RFPL1: variants seen among roughly 807,000 people sequenced by gnomAD.
RFPL1 encodes ret finger protein like 1, also known as ret finger protein-like 1.
Under a neutral mutation model 9.6 loss-of-function variants are expected in RFPL1, and 6 were observed. The ratio of observed to expected loss-of-function variants is 0.62; its 90% CI spans 0.34 to 1.23. The LOEUF (loss-of-function observed/expected upper bound fraction) is 1.23. Ranked by LOEUF, RFPL1 falls within the 50% of genes most tolerant of loss-of-function variation. The pLI, the probability that RFPL1 is intolerant of heterozygous loss-of-function variation, is 0.03. For synonymous variants in RFPL1, 145 were observed against 149.4 expected, an observed-to-expected ratio of 0.97 and a Z score of 0.22; for missense variants, 352 against 398.4, an observed-to-expected ratio of 0.88 and a Z score of 0.99.
the RFPL1 span, among the ~76,000 whole-genome samples, chr22:29,431,979 A>G: frequency 6.6e-6 from 1 of 152,170 alleles, no homozygotes; most frequent in South Asian, 2.1e-4. Flanking sequence ...GGCATGAACC[A>G]CCACACCTGG....
the RFPL1 span, among the ~76,000 whole-genome samples, chr22:29,407,986 CA>C: frequency 4.6e-5 from 7 of 152,302 alleles, no homozygotes; most frequent in South Asian, 1.2e-3. Flanking sequence ...TGAATTTAGA[CA>C]TTTCTCATTA....
chr22:29,395,775 C>A, the RFPL1 span, among the ~76,000 whole-genome samples: 11,614 of 152,136 alleles, frequency 0.076, 1,509 homozygotes, highest in African/African-American at 0.27. Flanking sequence ...GAGTTCCAGA[C>A]CAGCCTGGCC....
chr22:29,397,526 C>A, the RFPL1 span, among the ~76,000 whole-genome samples: 1 of 152,154 alleles, frequency 6.6e-6, no homozygotes, highest in Non-Finnish European at 1.5e-5. Flanking sequence ...ACTGCAGTTA[C>A]CTGCCGACCG....
chr22:29,401,772 C>A, the RFPL1 span, among the ~76,000 whole-genome samples: 1 of 152,176 alleles, frequency 6.6e-6, no homozygotes, highest in Non-Finnish European at 1.5e-5. Context: ...GACTCTTCAC[C>A]CCTGTGTGGT....
At chr22:29,415,394 G>A in the RFPL1 span, among the ~76,000 whole-genome samples, 110 of 152,306 alleles carry the variant, frequency 7.2e-4, no homozygotes, top group Admixed American at 5.5e-3. Flanking sequence ...GTTCCTTCCC[G>A]GTGTTCAGCC....
At chr22:29,429,290 A>T in the RFPL1 span, among the ~76,000 whole-genome samples, 1,654 of 152,274 alleles carry the variant, frequency 0.011, 31 homozygotes, top group African/African-American at 0.038. Context: ...TCCTGCTGCA[A>T]GCAATCCTCC....
the RFPL1 span, among the ~76,000 whole-genome samples, chr22:29,405,197 A>T: frequency 6.6e-6 from 1 of 152,198 alleles, no homozygotes; most frequent in Non-Finnish European, 1.5e-5. Flanking sequence ...AGGGAAGTAC[A>T]GGATTGCTTT....
At chr22:29,442,115 C>A in exon 2 of RFPL1, 2 of 1,525,478 alleles carry the variant, frequency 1.3e-6, no homozygotes. Context: ...CCTGGGGAGG[C>A]CAAATAAGCC....
the RFPL1 span, among the ~76,000 whole-genome samples, chr22:29,415,012 G>A: frequency 1.3e-5 from 2 of 152,094 alleles, no homozygotes; most frequent in Admixed American, 1.3e-4. Context: ...AAACCAAAGT[G>A]CAGATAAAGG....
chr22:29,417,340 T>C, the RFPL1 span, among the ~76,000 whole-genome samples: 6 of 151,792 alleles, frequency 4.0e-5, no homozygotes, highest in African/African-American at 9.7e-5. Context: ...CAGGTACCTG[T>C]TCCCTTTCTG....
the RFPL1 span, among the ~76,000 whole-genome samples, chr22:29,389,135 C>T: frequency 1.3e-5 from 2 of 152,130 alleles, no homozygotes; most frequent in Non-Finnish European, 1.5e-5. Context: ...GAGATCCTCC[C>T]GCCTCGGCTT....
intron 1 of RFPL1, chr22:29,439,820 C>G (rs1277924670): frequency 6.6e-6 from 1 of 152,470 alleles, no homozygotes; most frequent in Admixed American, 6.5e-5. Flanking sequence ...GAATTTCTCT[C>G]TAGCAAAGGT....
the RFPL1 span, among the ~76,000 whole-genome samples, chr22:29,397,551 A>G: frequency 6.7e-6 from 1 of 148,616 alleles, no homozygotes; most frequent in Non-Finnish European, 1.5e-5. Context: ...GCCAAACAGA[A>G]CAAAAGAAAA....
At chr22:29,415,282 AGGCATGCC>A in the RFPL1 span, among the ~76,000 whole-genome samples, 18 of 152,324 alleles carry the variant, frequency 1.2e-4, no homozygotes, top group East Asian at 2.7e-3. Context: ...GTGCCGATAA[AGGCATGCC>A]GTGGGTGATC....
At chr22:29,417,104 C>T in the RFPL1 span, among the ~76,000 whole-genome samples, 1 of 152,052 alleles carries the variant, frequency 6.6e-6, no homozygotes, top group South Asian at 2.1e-4. Context: ...GTATGTGTCA[C>T]CTTGGAAGAT....
upstream of RFPL1, among the ~76,000 whole-genome samples, chr22:29,436,317 G>A (rs1476888639): frequency 6.6e-6 from 1 of 152,082 alleles, no homozygotes; most frequent in Non-Finnish European, 1.5e-5. Context: ...ATAAATACAG[G>A]CGGTGGCTCA....
chr22:29,442,443 C>G (rs2062845491), exon 2 of RFPL1: 1 of 190,400 alleles, frequency 5.3e-6, no homozygotes, highest in Non-Finnish European at 1.1e-5. Context: ...GTTAAATAAA[C>G]ATTGGAATAT....
chr22:29,388,038 C>T, the RFPL1 span, among the ~76,000 whole-genome samples: 2 of 152,102 alleles, frequency 1.3e-5, no homozygotes, highest in Non-Finnish European at 2.9e-5. Context: ...TCTTCTTTTT[C>T]AACCTTGGCA....
At chr22:29,417,940 T>G in the RFPL1 span, among the ~76,000 whole-genome samples, 2 of 145,476 alleles carry the variant, frequency 1.4e-5, no homozygotes, top group Non-Finnish European at 3.0e-5. Context: ...CTTGAATGGT[T>G]TTTTTTTTTT....
Sources: gnomAD v4.1 joint callset for allele counts (sites outside exome capture counted in the v4.1 genomes callset) on GRCh38, gnomAD v4.1.1 for gene constraint, MANE v1.5 for transcripts, NCBI Gene and HGNC (gene_info 2026-07-23, HGNC 2026-07-21) for gene names.